SCAPER: variants seen among roughly 807,000 people sequenced by gnomAD.
The protein encoded by SCAPER is S phase cyclin A-associated protein in the endoplasmic reticulum.
SCAPER carries 98 observed loss-of-function variants against 182.2 expected under a neutral mutation model. That is an observed-to-expected ratio of 0.54 (90% CI 0.46 to 0.64). The LOEUF is 0.64. Among genes scored for constraint, SCAPER ranks in the 30% least tolerant of loss-of-function variants. The probability of loss-of-function intolerance (pLI) is 0.00; values close to 1 mark genes in which losing one functional copy is unlikely to be tolerated. For missense variants in SCAPER, 1,432 were observed against 1,690.0 expected, an observed-to-expected ratio of 0.85 and a Z score of 2.68; for synonymous variants, 605 against 564.6, an observed-to-expected ratio of 1.07 and a Z score of -1.01.
At chr15:76,867,478 C>T (rs62029240) in intron 2 of SCAPER, among the ~76,000 whole-genome samples, 9,717 of 152,166 alleles carry the variant, frequency 0.064, 341 homozygotes, top group Middle Eastern at 0.11. Context: ...CAGTAATTTA[C>T]GATAACTTTA....
At chr15:76,572,919 T>TCACACACACACACACACACACACA (rs58395846) in intron 23 of SCAPER, among the ~76,000 whole-genome samples, 16 of 135,172 alleles carry the variant, frequency 1.2e-4, no homozygotes, top group African/African-American at 4.5e-4. Flanking sequence ...TCTCTCTCTC[T>TCACACACACACACACACACACACA]CACACACACA....
intron 20 of SCAPER, among the ~76,000 whole-genome samples, chr15:76,666,754 T>C (rs1228708945): frequency 6.6e-6 from 1 of 152,202 alleles, no homozygotes; most frequent in Non-Finnish European, 1.5e-5. Context: ...AGTTCATGAC[T>C]ATGTTTATTT....
Position 76,437,450 on chromosome 15 carries a change from C to A in SCAPER, c.3079-3140G>T, listed in dbSNP as rs573283166. Among the ~76,000 whole-genome samples, 3 of 152,278 alleles carry A rather than the reference C, an allele frequency of 2.0e-5. No individual in the cohort carries two copies. The East Asian group carries it at 5.8e-4, about 29-fold the overall frequency. On this transcript the variant is annotated intron_variant, in intron 25 of 31. Transcript: ENST00000563290. ...TCTATTTACTAGAATATTAGTAAGGCCTCTCGACAGAGAGAATGTAATTTA... is the reference window on the plus strand; with the variant it reads ...TCTATTTACTAGAATATTAGTAAGGACTCTCGACAGAGAGAATGTAATTTA...
In SCAPER at chr15:76,813,108, T is replaced by C. The variant is rs79699386; in HGVS notation, c.394-8475A>G. Among the ~76,000 whole-genome samples the C allele has an allele frequency of 8.1e-3, 1,218 of 151,072 alleles. 12 individuals carry two copies. The highest frequency in any genetic ancestry group is 0.028 in the African/African-American group (1,154 of 41,164). ...TCCCTGAGCTGCAAGGATGGTTCAA[T>C]ACATGCAAATCAATCAATGAGATAC... On this transcript the variant is annotated intron_variant, in intron 5 of 31. Transcript: ENST00000563290.
chr15:76,798,299 G>A (rs1487264300), intron 7 of SCAPER, among the ~76,000 whole-genome samples: 1 of 150,738 alleles, frequency 6.6e-6, no homozygotes, highest in Non-Finnish European at 1.5e-5. Flanking sequence ...GGTAGACATC[G>A]CAGTAAGCCA....
At position 76,379,130 on chromosome 15, in the gene SCAPER, G is replaced by C. The variant is rs571325684; in HGVS notation, c.3705+2248C>G. On this transcript the variant is annotated intron_variant, in intron 28 of 31. Coordinates refer to ENST00000563290, the MANE Select transcript of SCAPER (RefSeq NM_020843.4). Reference sequence around the variant, plus strand: ...AATACGTAGTCATTGGTATATTAAAGGCCCCGATGCTAGAAATTCTGGGCA... The same window carrying C: ...AATACGTAGTCATTGGTATATTAAACGCCCCGATGCTAGAAATTCTGGGCA... Among the ~76,000 whole-genome samples the C allele has an allele frequency of 2.0e-5, 3 of 152,290 alleles. No homozygotes were observed. The South Asian group carries it at 6.2e-4, about 32-fold the overall frequency.
chr15:76,421,234 C>T (rs1403525183), intron 26 of SCAPER, among the ~76,000 whole-genome samples: 1 of 152,220 alleles, frequency 6.6e-6, no homozygotes, highest in Non-Finnish European at 1.5e-5. Flanking sequence ...TACAGTCCCA[C>T]CAACAGTGTA....
At chr15:76,648,064 A>G (rs150415137) in intron 21 of SCAPER, among the ~76,000 whole-genome samples, 1,884 of 152,296 alleles carry the variant, frequency 0.012, 22 homozygotes, top group Non-Finnish European at 0.018. Flanking sequence ...ATAAAATACT[A>G]ATAACAAAAT....
intron 21 of SCAPER, among the ~76,000 whole-genome samples, chr15:76,657,348 GGAA>G (rs1324913278): frequency 2.0e-5 from 3 of 151,864 alleles, no homozygotes; most frequent in Non-Finnish European, 4.4e-5. Flanking sequence ...GATTGAATGA[GGAA>G]GAAATTGCAA....
intron 17 of SCAPER, among the ~76,000 whole-genome samples, chr15:76,713,312 A>G (rs1250378512): frequency 1.3e-5 from 2 of 152,102 alleles, no homozygotes; most frequent in African/African-American, 4.8e-5. Context: ...TCATGCTGCT[A>G]TAAAGACACA....
At chr15:76,384,944 T>C (rs2043200105) in intron 27 of SCAPER, among the ~76,000 whole-genome samples, 1 of 152,230 alleles carries the variant, frequency 6.6e-6, no homozygotes, top group African/African-American at 2.4e-5. Context: ...GTAATGAAGT[T>C]TTCTTCAAAA....
At chr15:76,852,273 A>G (rs533224674) in intron 4 of SCAPER, among the ~76,000 whole-genome samples, 2 of 152,322 alleles carry the variant, frequency 1.3e-5, no homozygotes, top group Admixed American at 6.5e-5. Flanking sequence ...TGGCAGTGTT[A>G]GATCGTCAAG....
At chr15:76,732,116 G>T (rs2060955585) in intron 16 of SCAPER, among the ~76,000 whole-genome samples, 1 of 152,004 alleles carries the variant, frequency 6.6e-6, no homozygotes, top group South Asian at 2.1e-4. Flanking sequence ...TATGTTTCTA[G>T]AGTGCCATAT....
chr15:76,654,923 G>T (rs1430613331), intron 21 of SCAPER, among the ~76,000 whole-genome samples: 1 of 152,194 alleles, frequency 6.6e-6, no homozygotes, highest in Non-Finnish European at 1.5e-5. Context: ...CAACTTCAAA[G>T]ATTAAAGAAA....
At chr15:76,815,404 T>C (rs1281788271) in intron 5 of SCAPER, among the ~76,000 whole-genome samples, 4 of 152,188 alleles carry the variant, frequency 2.6e-5, no homozygotes, top group East Asian at 1.9e-4. Flanking sequence ...TTGTGGTGTA[T>C]ATATACACAC....
chr15:76,889,398 A>T (rs1317047118), intron 1 of SCAPER, among the ~76,000 whole-genome samples: 1 of 152,158 alleles, frequency 6.6e-6, no homozygotes, highest in East Asian at 1.9e-4. Context: ...CAGAGTCAAG[A>T]CCCATCAGTG....
At chr15:76,817,568 T>TACC (rs1387159709) in intron 5 of SCAPER, among the ~76,000 whole-genome samples, 1 of 152,198 alleles carries the variant, frequency 6.6e-6, no homozygotes, top group African/African-American at 2.4e-5. Flanking sequence ...GTAGTTTTGT[T>TACC]ACTCTTACCA....
chr15:76,862,473 G>A lies in SCAPER; in HGVS notation c.67C>T (p.Arg23Cys), dbSNP rs1305170165. The change falls in exon 3 of 32, where the codon CGT (arginine) becomes TGT (cysteine). Residue 23 changes from arginine to cysteine, a missense_variant. By Grantham distance (180) the Arg-to-Cys change is radical. Transcript: ENST00000563290. ...CAAGCTATTAGGTTTCTTGCTGTAC[G>A]ACCCTCCTCTGCAACTATTCTCCTT... The part of the protein sequence containing the change: ...KVRRIVAEEG[R>C]TARNLIAWSV... 2.5e-6 allele frequency: 4 copies of A among 1,613,282 alleles called. No homozygotes were observed. Among genetic ancestry groups the A allele is most frequent in the African/African-American group, 1.3e-5 (1 of 74,984 alleles).
chr15:76,472,176 T>C lies in SCAPER; in HGVS notation c.2955-841A>G, dbSNP rs1236055623. 24 of 472,530 alleles carry C rather than the reference T, an allele frequency of 5.1e-5. 1 individual carries two copies. Among genetic ancestry groups the C allele is most frequent in the South Asian group, 4.1e-4 (24 of 58,864 alleles). The allele number at this position is 472,530 out of a possible 1,614,324, so 29.3% of individuals were successfully genotyped here. On this transcript the variant is annotated intron_variant, in intron 24 of 31. Transcript: ENST00000563290. ...GAACAAGCCAGAAAGATCCGTAAGG[T>C]TGTCTGCTTAACCTGCTCCTCCAAA...
Sources: gnomAD v4.1 joint callset for allele counts (sites outside exome capture counted in the v4.1 genomes callset) on GRCh38, gnomAD v4.1.1 for gene constraint, MANE v1.5 for transcripts, NCBI Gene and HGNC (gene_info 2026-07-23, HGNC 2026-07-21) for gene names.